The following MORF4L2 variants were observed in gnomAD, a reference collection of about 807,000 sequenced individuals.
MORF4L2 encodes the protein mortality factor 4-like protein 2.
MORF4L2 carries 1 observed loss-of-function variant against 12.0 expected under a neutral mutation model. The ratio of observed to expected loss-of-function variants is 0.08; its 90% CI spans 0.03 to 0.40. The LOEUF (loss-of-function observed/expected upper bound fraction) is 0.40. MORF4L2 is among the 10% of genes least tolerant of loss of function. The probability of loss-of-function intolerance (pLI) is 0.98; values close to 1 mark genes in which losing one functional copy is unlikely to be tolerated. For synonymous variants in MORF4L2, 69 were observed against 81.6 expected, an observed-to-expected ratio of 0.85 and a Z score of 0.83; for missense variants, 123 against 214.0, an observed-to-expected ratio of 0.57 and a Z score of 2.65.
chrX:103,679,332 T>C (rs113065575), intron 2 of MORF4L2, among the ~76,000 whole-genome samples: 1,610 of 84,139 alleles, frequency 0.019, 44 homozygotes, highest in African/African-American at 0.07. Flanking sequence ...AGTGAAACCC[T>C]GTCTCTACTA....
upstream of MORF4L2, chrX:103,687,851 C>G (rs745658350): frequency 9.0e-6 from 1 of 110,779 alleles, no homozygotes; most frequent in African/African-American, 3.3e-5. Flanking sequence ...CTCCCCTCCT[C>G]CACACCTACC....
chrX:103,678,825 G>A (rs1214265999), intron 2 of MORF4L2, among the ~76,000 whole-genome samples, 174 bp from the exon 3 acceptor site: 1 of 112,214 alleles, frequency 8.9e-6, no homozygotes, highest in Non-Finnish European at 1.9e-5. Context: ...TATGAGTTGT[G>A]AGACCTCAGG....
At chrX:103,682,717 ATT>A (rs1238868704) in intron 2 of MORF4L2, among the ~76,000 whole-genome samples, 1 of 111,543 alleles carries the variant, frequency 9.0e-6, no homozygotes, top group African/African-American at 3.3e-5. Context: ...TATGTTGGAA[ATT>A]TTTTTCCAAA....
In MORF4L2 at chrX:103,682,402, T is replaced by C. The variant is rs769101550; in HGVS notation, c.-178+2769A>G. ...TTTAGCGAAAGGATTTGCTTATTTA[T>C]AACTTTGATGAGATAGAGCCAAATT... On this transcript the variant is annotated intron_variant, in intron 2 of 3. Transcript: ENST00000441076. Among the ~76,000 whole-genome samples the C allele has an allele frequency of 1.6e-3, 179 of 112,278 alleles. 2 individuals are homozygous for C. The Admixed American group carries it at 0.016, about 10-fold the overall frequency.
intron 1 of MORF4L2, 45 bp downstream of exon 1, chrX:103,686,586 A>C (rs1259249216): frequency 9.0e-6 from 1 of 111,050 alleles, no homozygotes; most frequent in Admixed American, 9.5e-5. Context: ...TACCCGACGA[A>C]AAAAGGAAAT....
Position 103,675,762 on chromosome X carries a change from C to T in MORF4L2, c.*399G>A, listed in dbSNP as rs2073835127. The T allele has an allele frequency of 8.8e-6, 1 of 113,401 alleles. No homozygotes were observed. Among genetic ancestry groups the T allele is most frequent in the African/African-American group, 3.3e-5 (1 of 30,154 alleles). The allele number at this position is 113,401 out of a possible 1,213,427, so 9.3% of individuals were successfully genotyped here. A position where few individuals can be genotyped will look rare whatever the true frequency, so the allele number is the denominator to read the frequency against. ...GCACCATAAAAAAAAAAAAAGAGCA[C>T]AAATGCATGGGTTTTCAGGTATATA... On this transcript the variant is annotated 3_prime_UTR_variant, in exon 4 of 4. Transcript: ENST00000441076.
At chrX:103,683,295 G>A (rs1401966177) in intron 2 of MORF4L2, among the ~76,000 whole-genome samples, 2 of 111,220 alleles carry the variant, frequency 1.8e-5, no homozygotes, top group Non-Finnish European at 3.8e-5. Context: ...CTGACCCCGT[G>A]ATCCACACAC....
upstream of MORF4L2, chrX:103,687,192 A>G: frequency 9.2e-6 from 1 of 108,469 alleles, no homozygotes; most frequent in East Asian, 2.9e-4. Context: ...TGGCCTGCGG[A>G]AATAGGATAG....
chrX:103,679,744 C>T (rs1258708721), intron 2 of MORF4L2, among the ~76,000 whole-genome samples: 1 of 106,577 alleles, frequency 9.4e-6, no homozygotes, highest in Admixed American at 1.0e-4. Context: ...CTACAACTTT[C>T]ACCCACAGAA....
intron 1 of MORF4L2, among the ~76,000 whole-genome samples, chrX:103,685,794 C>G (rs1465885550): frequency 1.8e-5 from 2 of 111,569 alleles, no homozygotes; most frequent in Non-Finnish European, 1.9e-5. Context: ...CCATTTCCCC[C>G]TACCGCTGAG....
chrX:103,683,808 T>C (rs970302528), intron 2 of MORF4L2, among the ~76,000 whole-genome samples: 14 of 111,005 alleles, frequency 1.3e-4, no homozygotes, highest in Non-Finnish European at 2.6e-4. Context: ...GTCCTCTTCC[T>C]CTGTGAGGCT....
intron 2 of MORF4L2, among the ~76,000 whole-genome samples, chrX:103,683,436 ATTAAT>A (rs1017195487): frequency 8.9e-6 from 1 of 112,526 alleles, no homozygotes; most frequent in African/African-American, 3.2e-5. Context: ...TCTCACCAGT[ATTAAT>A]TTAATTATCA....
upstream of MORF4L2, chrX:103,687,602 T>A (rs1231377387): frequency 8.9e-6 from 1 of 112,078 alleles, no homozygotes; most frequent in Non-Finnish European, 1.9e-5. Context: ...AATGTTCTAA[T>A]GAAAAGGAAA....
intron 2 of MORF4L2, among the ~76,000 whole-genome samples, chrX:103,684,084 T>C (rs1261483054): frequency 1.8e-5 from 2 of 112,240 alleles, no homozygotes; most frequent in East Asian, 5.5e-4. Context: ...TCCTACTTCA[T>C]CTCTCCACAC....
chrX:103,683,704 A>G, intron 2 of MORF4L2, among the ~76,000 whole-genome samples: 1 of 112,090 alleles, frequency 8.9e-6, no homozygotes, highest in Non-Finnish European at 1.9e-5. Context: ...TCAGTTAATC[A>G]TCATTGCATA....
rs2074111711 is a variant in MORF4L2, at chrX:103,686,480, CAGAA to C, written c.-268+147_-268+150del. ...TTTTACAAACATGGAAACCGAGACA[CAGAA>C]AGAACAGGAGCCTTGCCCAAGCTGG... On this transcript the variant is annotated intron_variant, in intron 1 of 3. Transcript: ENST00000441076. Among the ~76,000 whole-genome samples the C allele has an allele frequency of 3.6e-5, 4 of 111,621 alleles. No individual in the cohort carries two copies. The Admixed American group carries it at 3.8e-4, about 11-fold the overall frequency.
chrX:103,679,106 T>C (rs2073916073), intron 2 of MORF4L2, among the ~76,000 whole-genome samples: 1 of 111,522 alleles, frequency 9.0e-6, no homozygotes, highest in African/African-American at 3.3e-5. Context: ...TTCAAATGAA[T>C]TAAGCAGAGA....
At chrX:103,679,210 A>G (rs1447358056) in intron 2 of MORF4L2, among the ~76,000 whole-genome samples, 1 of 110,325 alleles carries the variant, frequency 9.1e-6, no homozygotes, top group African/African-American at 3.3e-5. Flanking sequence ...ATAGGATCTT[A>G]AAGAGACAGA....
intron 3 of MORF4L2, among the ~76,000 whole-genome samples, chrX:103,678,055 T>C (rs745709566): frequency 1.8e-5 from 2 of 109,484 alleles, no homozygotes; most frequent in South Asian, 3.9e-4. Context: ...AAACATAAAA[T>C]TGTAAAGCTC....
Sources: gnomAD v4.1 joint callset for allele counts (sites outside exome capture counted in the v4.1 genomes callset) on GRCh38, gnomAD v4.1.1 for gene constraint, MANE v1.5 for transcripts, NCBI Gene and HGNC (gene_info 2026-07-23, HGNC 2026-07-21) for gene names.